The following TMPRSS15 variants were observed in gnomAD, a reference collection of about 807,000 sequenced individuals.
TMPRSS15 encodes enteropeptidase.
Under a neutral mutation model 125.3 loss-of-function variants are expected in TMPRSS15, and 128 were observed. The observed-to-expected ratio is 1.02, with a 90% CI of 0.89 to 1.18. The LOEUF (loss-of-function observed/expected upper bound fraction) is 1.18, where lower values mean the gene tolerates loss of function less well. TMPRSS15 is among the 50% of genes most tolerant of loss of function. The probability of loss-of-function intolerance (pLI) is 0.00; values close to 1 mark genes in which losing one functional copy is unlikely to be tolerated. For synonymous variants in TMPRSS15, 446 were observed against 423.2 expected, an observed-to-expected ratio of 1.05 and a Z score of -0.66; for missense variants, 1,283 against 1,212.7, an observed-to-expected ratio of 1.06 and a Z score of -0.86.
chr21:18,354,764 G>T (rs2075607662), intron 8 of TMPRSS15, among the ~76,000 whole-genome samples: 1 of 151,748 alleles, frequency 6.6e-6, no homozygotes, highest in African/African-American at 2.4e-5. Context: ...ATGAAAAAAA[G>T]TGTTAACAAA....
At chr21:18,313,555 G>A (rs977183093) in intron 17 of TMPRSS15, among the ~76,000 whole-genome samples, 10 of 151,732 alleles carry the variant, frequency 6.6e-5, no homozygotes, top group African/African-American at 2.4e-4. Context: ...GATTACACAT[G>A]TGGTCATTTT....
intron 1 of TMPRSS15, 134 bp from the exon 2 acceptor site, chr21:18,398,463 A>G (rs2076062569): frequency 1.1e-6 from 1 of 875,170 alleles, no homozygotes; most frequent in African/African-American, 1.7e-5. Context: ...TTTTCTTTGT[A>G]GTCTCATGTT....
chr21:18,374,955 G>A (rs927763953), intron 5 of TMPRSS15, among the ~76,000 whole-genome samples: 6 of 152,140 alleles, frequency 3.9e-5, no homozygotes, highest in Non-Finnish European at 7.3e-5. Context: ...AAGGCCATTT[G>A]GGTTACTAAT....
intron 21 of TMPRSS15, among the ~76,000 whole-genome samples, chr21:18,290,840 A>T (rs1479984209): frequency 6.6e-6 from 1 of 152,220 alleles, no homozygotes; most frequent in Non-Finnish European, 1.5e-5. Context: ...TTGTTCAGAA[A>T]AAAAAGTCTC....
chr21:18,334,690 T>C (rs1049050225), intron 13 of TMPRSS15, among the ~76,000 whole-genome samples: 1 of 152,202 alleles, frequency 6.6e-6, no homozygotes, highest in South Asian at 2.1e-4. Flanking sequence ...ACTTGCTTTT[T>C]AATGCCATAC....
At position 18,379,309 on chromosome 21, in the gene TMPRSS15, G is replaced by T. The variant is rs1228722305; in HGVS notation, c.506C>A (p.Thr169Lys). Residue 169 changes from threonine to lysine, a missense_variant, in exon 5 of 25, where the codon ACA (threonine) becomes AAA (lysine). Physicochemically the swap from Thr to Lys is moderately conservative, Grantham distance 78. Transcript: ENST00000284885. ...LNSVDILDKL[T>K]TTSHLATPGN... The stretch of plus-strand genomic sequence containing the variant: ...TGGAGTTGCCAGATGACTGGTGGTT[G>T]TTAGCTTGTCTGAAAAATAAATTAT... The T allele has an allele frequency of 4.5e-6, 6 of 1,325,996 alleles. No homozygotes were observed. The highest frequency in any genetic ancestry group is 1.5e-5 in the African/African-American group (1 of 66,724). 82.1% of individuals were successfully genotyped at this position (1,325,996 alleles called of 1,614,324 possible).
intron 1 of TMPRSS15, among the ~76,000 whole-genome samples, chr21:18,434,025 G>A (rs1339652361): frequency 2.0e-5 from 3 of 152,124 alleles, no homozygotes; most frequent in African/African-American, 7.2e-5. Flanking sequence ...TCTTTCACAT[G>A]GATCCATTTG....
chr21:18,410,456 T>C (rs2076163315), intron 1 of TMPRSS15, among the ~76,000 whole-genome samples: 1 of 152,158 alleles, frequency 6.6e-6, no homozygotes, highest in South Asian at 2.1e-4. Context: ...TCCTCAGATA[T>C]TTTCCCTATC....
chr21:18,321,476 C>T (rs2075235801), intron 16 of TMPRSS15, among the ~76,000 whole-genome samples: 1 of 149,882 alleles, frequency 6.7e-6, no homozygotes, highest in Non-Finnish European at 1.5e-5. Context: ...CCTCAGCCTT[C>T]CCAGTAGCTG....
intron 16 of TMPRSS15, among the ~76,000 whole-genome samples, chr21:18,317,909 T>TTCC (rs1569004326): frequency 1.4e-5 from 1 of 72,782 alleles, no homozygotes; most frequent in Non-Finnish European, 2.6e-5. Context: ...CATCCCATCC[T>TTCC]ATCCCAACCC....
At chr21:18,292,642 C>A (rs1323996837) in intron 21 of TMPRSS15, among the ~76,000 whole-genome samples, 1 of 152,132 alleles carries the variant, frequency 6.6e-6, no homozygotes, top group Non-Finnish European at 1.5e-5. Flanking sequence ...CAGGAATTTG[C>A]CAAATTCAAG....
intron 1 of TMPRSS15, among the ~76,000 whole-genome samples, chr21:18,478,543 C>T (rs746801150): frequency 9.9e-5 from 15 of 152,004 alleles, no homozygotes; most frequent in Non-Finnish European, 1.5e-4. Context: ...GAACTCCAGA[C>T]ATTAATTGGA....
rs1209493326 is a variant in TMPRSS15 at position 18,383,616 on chromosome 21, T to C, written c.496+11A>G. ...AATGATTCAAAGAAATCAAATAATG[T>C]TCACACATACCTAGGATATCAACGC... On this transcript the variant is annotated intron_variant, in intron 4 of 24. Transcript: ENST00000284885. The C allele has an allele frequency of 1.4e-5, 23 of 1,613,006 alleles. No individual in the cohort carries two copies. Among genetic ancestry groups the C allele is most frequent in the Non-Finnish European group, 1.9e-5 (22 of 1,179,740 alleles).
intron 1 of TMPRSS15, chr21:18,460,569 C>T (rs1291887162): frequency 6.6e-6 from 1 of 152,180 alleles, no homozygotes; most frequent in African/African-American, 2.4e-5. Context: ...AGAATTGGCT[C>T]ACCCGATTGT....
Position 18,374,199 on chromosome 21 carries a change from C to T in TMPRSS15, c.533-1875G>A, listed in dbSNP as rs546971245. 5.9e-5 allele frequency among the ~76,000 whole-genome samples: 9 copies of T among 152,182 alleles called. No homozygotes were observed. In the South Asian group the frequency reaches 1.5e-3, roughly 25 times the overall value. ...GTGAAGAGTACATCAATAGGCCGGGCGCGGTGGCTCACGCCTGTAATCCCA... is the reference window on the plus strand; with the variant it reads ...GTGAAGAGTACATCAATAGGCCGGGTGCGGTGGCTCACGCCTGTAATCCCA... On this transcript the variant is annotated intron_variant, in intron 5 of 24. Transcript: ENST00000284885.
At chr21:18,345,747 A>AAAAAAAAAC (rs2075501231) in intron 10 of TMPRSS15, among the ~76,000 whole-genome samples, 1 of 141,372 alleles carries the variant, frequency 7.1e-6, no homozygotes, top group African/African-American at 2.6e-5. Context: ...TCTCAAAAAA[A>AAAAAAAAAC]AAAAAAAAAA....
intron 3 of TMPRSS15, among the ~76,000 whole-genome samples, chr21:18,386,813 G>A (rs1196393020): frequency 6.6e-6 from 1 of 152,124 alleles, no homozygotes; most frequent in Admixed American, 6.5e-5. Context: ...TAATTTCACC[G>A]GTTCAATTTG....
chr21:18,457,556 A>C (rs1397421856), intron 1 of TMPRSS15, among the ~76,000 whole-genome samples: 1 of 152,150 alleles, frequency 6.6e-6, no homozygotes, highest in African/African-American at 2.4e-5. Context: ...AGCGATGTAT[A>C]ATGTTTGATT....
chr21:18,313,113 G>A, intron 17 of TMPRSS15, 36 bp from the exon 18 acceptor site: 1 of 1,468,690 alleles, frequency 6.8e-7, no homozygotes, highest in Non-Finnish European at 9.5e-7. Context: ...AGTTACCAGA[G>A]ACTGAAGGGT....
Sources: allele counts gnomAD v4.1 joint callset (sites outside exome capture counted in the v4.1 genomes callset), GRCh38; gene constraint gnomAD v4.1.1; transcripts MANE v1.5; gene names NCBI Gene and HGNC (gene_info 2026-07-23, HGNC 2026-07-21).